The following SFI1 variants were observed in gnomAD, a reference collection of about 807,000 sequenced individuals.
SFI1 encodes protein SFI1 homolog.
In SFI1, 195 loss-of-function variants were observed where a neutral mutation model predicts 207.5. The ratio of observed to expected loss-of-function variants is 0.94; its 90% CI spans 0.84 to 1.06. The LOEUF is 1.06. Ranked by LOEUF, SFI1 falls within the 50% of genes least tolerant of loss-of-function variation. SFI1 has a pLI of 0.00. For synonymous variants in SFI1, 630 were observed against 598.9 expected, an observed-to-expected ratio of 1.05 and a Z score of -0.76; for missense variants, 1,634 against 1,588.0, an observed-to-expected ratio of 1.03 and a Z score of -0.49.
At chr22:31,580,519 ATT>A (rs2063998576) in intron 12 of SFI1, among the ~76,000 whole-genome samples, 155 bp downstream of exon 12, 1 of 130,656 alleles carries the variant, frequency 7.7e-6, no homozygotes, top group Non-Finnish European at 1.7e-5. Flanking sequence ...CTTAGTTTGC[ATT>A]TTCTTTCTTT....
At chr22:31,538,967 A>G (rs569994212) in intron 4 of SFI1, among the ~76,000 whole-genome samples, 19 of 152,250 alleles carry the variant, frequency 1.2e-4, no homozygotes, top group African/African-American at 4.6e-4. Flanking sequence ...GTCACACCAT[A>G]GTATGCCCGA....
intron 3 of SFI1, 159 bp from the exon 4 acceptor site, chr22:31,530,899 A>G (rs2058453750): frequency 3.3e-6 from 2 of 608,258 alleles, no homozygotes; most frequent in Non-Finnish European, 2.9e-6. Flanking sequence ...GCCCCATCCT[A>G]TGCCCTGTAT....
chr22:31,500,575 A>T (rs2146339881), intron 1 of SFI1, among the ~76,000 whole-genome samples: 1 of 152,224 alleles, frequency 6.6e-6, no homozygotes, highest in African/African-American at 2.4e-5. Context: ...CTCCTGCCTC[A>T]GCCTCCTGAG....
chr22:31,582,237 T>TATATATATA (rs1168966383), intron 12 of SFI1, among the ~76,000 whole-genome samples: 12 of 19,916 alleles, frequency 6.0e-4, no homozygotes, highest in African/African-American at 1.2e-3. Flanking sequence ...TATATATATA[T>TATATATATA]TTTTTTTTTT....
intron 4 of SFI1, among the ~76,000 whole-genome samples, chr22:31,538,035 G>A (rs952585405): frequency 2.0e-4 from 30 of 152,138 alleles, no homozygotes; most frequent in African/African-American, 6.5e-4. Context: ...GCAGTGACGC[G>A]ATCTTGGCTC....
chr22:31,536,125 T>G (rs1360858698), intron 4 of SFI1, among the ~76,000 whole-genome samples: 1 of 152,240 alleles, frequency 6.6e-6, no homozygotes, highest in East Asian at 1.9e-4. Flanking sequence ...CTGTTTCTCC[T>G]CCATATGAAG....
chr22:31,549,288 TAAAAA>T (rs59382278), intron 5 of SFI1, among the ~76,000 whole-genome samples: 5 of 37,220 alleles, frequency 1.3e-4, no homozygotes, highest in African/African-American at 5.0e-4. Flanking sequence ...AGACCCTGTG[TAAAAA>T]AAAAAAAAAA....
intron 1 of SFI1, among the ~76,000 whole-genome samples, chr22:31,497,811 G>C (rs1382860389): frequency 6.6e-6 from 1 of 152,114 alleles, no homozygotes; most frequent in Non-Finnish European, 1.5e-5. Flanking sequence ...CTACTATCGA[G>C]ACCTACTGTT....
chr22:31,510,386 C>T (rs570900204), intron 2 of SFI1, among the ~76,000 whole-genome samples: 1 of 151,524 alleles, frequency 6.6e-6, no homozygotes, highest in South Asian at 2.1e-4. Context: ...TTTAATTACT[C>T]ATTTAATTTT....
chr22:31,501,208 G>A lies in SFI1; in HGVS notation c.-31+4571G>A, dbSNP rs1484449721. 2.0e-5 allele frequency among the ~76,000 whole-genome samples: 3 copies of A among 148,872 alleles called. No individual in the cohort carries two copies. In the South Asian group the frequency reaches 6.4e-4, roughly 32 times the overall value. On this transcript the variant is annotated intron_variant, in intron 1 of 32. Coordinates refer to ENST00000400288, the MANE Select transcript of SFI1 (RefSeq NM_001007467.3). ...TTTTTTTGAGACGGAGTGTAGCTCT[G>A]TTGCCCAGGCTGGAGTGCAGTGGCG...
intron 15 of SFI1, among the ~76,000 whole-genome samples, chr22:31,590,588 G>GA (rs1406484336): frequency 6.8e-6 from 1 of 146,794 alleles, no homozygotes; most frequent in Non-Finnish European, 1.5e-5. Flanking sequence ...GACTGCAACC[G>GA]CCGCCTCCCG....
intron 2 of SFI1, chr22:31,521,697 G>A (rs2057280674): frequency 6.6e-6 from 1 of 152,136 alleles, no homozygotes; most frequent in Non-Finnish European, 1.5e-5. Flanking sequence ...AAACTGCCCA[G>A]AGAGTTTATG....
intron 8 of SFI1, among the ~76,000 whole-genome samples, chr22:31,568,473 G>T (rs2062617889): frequency 7.0e-6 from 1 of 143,554 alleles, no homozygotes; most frequent in Non-Finnish European, 1.5e-5. Flanking sequence ...AGAGGTTGCA[G>T]TGAGCTGAGA....
Position 31,611,298 on chromosome 22 carries a change from A to G in SFI1, c.2410A>G (p.Lys804Glu), listed in dbSNP as rs1372463101. 6.2e-7 allele frequency: 1 copy of G among 1,600,326 alleles called. No homozygotes were observed. The highest frequency in any genetic ancestry group is 1.7e-5 in the Admixed American group (1 of 59,256). The change falls in exon 23 of 33, where the codon AAG becomes GAG. Residue 804 changes from lysine (K) to glutamate (E), a missense_variant. By Grantham distance (56) the Lys-to-Glu change is moderately conservative. Transcript: ENST00000400288. ...GACGCACCATCTGCAGTGTGTCAGG[A>G]AGAGGGTGAGGCTGACGGTGGCAAC... ...WKTHHLQCVRKRLLHRQSTQL... is the reference protein window; with the variant it reads ...WKTHHLQCVRERLLHRQSTQL...
Position 31,611,776 on chromosome 22 carries a change from G to A in SFI1, c.2426G>A (p.Arg809Lys), listed in dbSNP as rs924085156. 3.5e-5 allele frequency: 56 copies of A among 1,613,392 alleles called. No homozygotes were observed. Among genetic ancestry groups the A allele is most frequent in the Non-Finnish European group, 4.4e-5 (52 of 1,179,976 alleles). The change falls in exon 24 of 33, where the codon AGG becomes AAG. Residue 809 changes from arginine to lysine, a missense_variant. By Grantham distance (26) the Arg-to-Lys change is conservative (BLOSUM62 2). Coordinates refer to ENST00000400288, the MANE Select transcript of SFI1 (RefSeq NM_001007467.3). The part of the protein sequence containing the change: ...LQCVRKRLLH[R>K]QSTQLLAQRL... The stretch of plus-strand genomic sequence containing the variant: ...CTTGCTCTCCCCCAGCTCCTGCACA[G>A]GCAGAGCACCCAACTGCTGGCACAG...
chr22:31,539,811 G>C lies in SFI1; in HGVS notation c.339-7050G>C, dbSNP rs1352088991. On this transcript the variant is annotated intron_variant, in intron 4 of 32. Coordinates refer to ENST00000400288, the MANE Select transcript of SFI1 (RefSeq NM_001007467.3). ...GCCCACTGCAACCTCTGCCTCCTGG[G>C]TTCAAGTGATTCTCCTGCCTCAGCC... 2.0e-5 allele frequency among the ~76,000 whole-genome samples: 3 copies of C among 152,012 alleles called. No individual in the cohort carries two copies. The East Asian group carries it at 5.8e-4, about 29-fold the overall frequency.
chr22:31,510,743 C>T (rs1266109824), intron 2 of SFI1, among the ~76,000 whole-genome samples: 1 of 152,124 alleles, frequency 6.6e-6, no homozygotes, highest in Non-Finnish European at 1.5e-5. Context: ...TGTGTTTCTT[C>T]CTGAGTTAAT....
intron 2 of SFI1, chr22:31,521,686 G>C (rs137985051): frequency 3.3e-5 from 5 of 152,306 alleles, no homozygotes; most frequent in African/African-American, 9.6e-5. Context: ...CACGGTGATT[G>C]AAACTGCCCA....
chr22:31,614,720 C>T (rs2147382223), intron 27 of SFI1, 69 bp from the exon 28 acceptor site: 1 of 1,554,046 alleles, frequency 6.4e-7, no homozygotes, highest in Non-Finnish European at 8.9e-7. Flanking sequence ...TTGGAGATCC[C>T]ACAGAGATCT....
Sources: allele counts gnomAD v4.1 joint callset (sites outside exome capture counted in the v4.1 genomes callset), GRCh38; gene constraint gnomAD v4.1.1; transcripts MANE v1.5; gene names NCBI Gene and HGNC (gene_info 2026-07-23, HGNC 2026-07-21).